The following EYS variants were observed in gnomAD, a reference collection of about 807,000 sequenced individuals.
The protein encoded by EYS is protein eyes shut homolog.
A neutral mutation model predicts 282.1 loss-of-function variants in EYS; 250 were observed. That is an observed-to-expected ratio of 0.89 (90% CI 0.80 to 0.98). The LOEUF (loss-of-function observed/expected upper bound fraction) is 0.98. Among genes scored for constraint, EYS ranks in the 50% least tolerant of loss-of-function variants. The pLI, the probability that EYS is intolerant of heterozygous loss-of-function variation, is 0.00. For missense variants in EYS, 4,016 were observed against 3,709.0 expected, an observed-to-expected ratio of 1.08 and a Z score of -2.15; for synonymous variants, 1,355 against 1,282.9, an observed-to-expected ratio of 1.06 and a Z score of -1.20.
At chr6:65,239,698 T>A (rs1238191843) in intron 12 of EYS, among the ~76,000 whole-genome samples, 1 of 151,984 alleles carries the variant, frequency 6.6e-6, no homozygotes, top group African/African-American at 2.4e-5. Context: ...TTAAAGAAAA[T>A]GGTTTTTGAA....
chr6:64,115,779 T>C (rs1773362220), intron 31 of EYS, among the ~76,000 whole-genome samples: 1 of 152,044 alleles, frequency 6.6e-6, no homozygotes, highest in South Asian at 2.1e-4. Flanking sequence ...TAAATAAAAA[T>C]CAAAGAAACA....
intron 37 of EYS, among the ~76,000 whole-genome samples, chr6:63,805,646 A>G (rs1476866608): frequency 6.6e-6 from 1 of 152,152 alleles, no homozygotes; most frequent in Admixed American, 6.5e-5. Context: ...CTCATCTTGA[A>G]TTGTAATCCC....
At chr6:65,683,893 C>G (rs999951037) in intron 1 of EYS, among the ~76,000 whole-genome samples, 5 of 152,004 alleles carry the variant, frequency 3.3e-5, no homozygotes, top group African/African-American at 1.2e-4. Flanking sequence ...TTAAATAGAA[C>G]CAGTGCAAAT....
chr6:65,703,699 A>G (rs886619152), intron 1 of EYS, among the ~76,000 whole-genome samples: 4 of 152,088 alleles, frequency 2.6e-5, no homozygotes, highest in African/African-American at 9.6e-5. Context: ...AATGAAAGAA[A>G]GCTCCTAGAA....
chr6:64,142,608 C>T (rs542778484), intron 31 of EYS, among the ~76,000 whole-genome samples: 1 of 152,170 alleles, frequency 6.6e-6, no homozygotes, highest in Non-Finnish European at 1.5e-5. Context: ...TTATAGAAGG[C>T]CATCAGGGAT....
intron 12 of EYS, among the ~76,000 whole-genome samples, chr6:65,252,665 A>C (rs1239444836): frequency 6.6e-6 from 1 of 152,040 alleles, no homozygotes; most frequent in African/African-American, 2.4e-5. Flanking sequence ...TTTATCTGAC[A>C]AACACTTTAA....
chr6:65,134,140 A>T (rs992082413), intron 12 of EYS, among the ~76,000 whole-genome samples: 2 of 152,124 alleles, frequency 1.3e-5, no homozygotes, highest in Non-Finnish European at 2.9e-5. Context: ...TGTGGAGAAA[A>T]GGAAATACTT....
At chr6:64,535,804 T>C (rs934969608) in intron 26 of EYS, among the ~76,000 whole-genome samples, 3 of 152,116 alleles carry the variant, frequency 2.0e-5, no homozygotes, top group Admixed American at 6.6e-5. Flanking sequence ...TAAAATGATT[T>C]TTCTGTAGCT....
intron 41 of EYS, among the ~76,000 whole-genome samples, chr6:63,758,410 T>A (rs866412566): frequency 6.6e-6 from 1 of 152,270 alleles, no homozygotes. Context: ...AATATCTATG[T>A]GAACATGGCC....
chr6:65,125,706 T>C lies in EYS; in HGVS notation c.2024-67979A>G, dbSNP rs185361114. On this transcript the variant is annotated intron_variant, in intron 12 of 42. Coordinates refer to ENST00000503581, the MANE Select transcript of EYS (RefSeq NM_001142800.2). ...TATAAAAAGTGGATAAGAAAGTCTG[T>C]GTGCTTCCTACTTTGGCACAGGTCA... 3.9e-5 allele frequency among the ~76,000 whole-genome samples: 6 copies of C among 152,244 alleles called. No homozygotes were observed. In the South Asian group the frequency reaches 8.3e-4, roughly 21 times the overall value.
At chr6:64,482,860 G>A (rs1349208923) in intron 26 of EYS, among the ~76,000 whole-genome samples, 2 of 151,566 alleles carry the variant, frequency 1.3e-5, no homozygotes, top group African/African-American at 4.8e-5. Flanking sequence ...CTTCCTCAAT[G>A]AACTTCTTGC....
At chr6:65,373,064 C>A (rs550156339) in intron 8 of EYS, among the ~76,000 whole-genome samples, 2 of 152,070 alleles carry the variant, frequency 1.3e-5, no homozygotes, top group Non-Finnish European at 2.9e-5. Flanking sequence ...TTTCTTATAG[C>A]TTATTTAATA....
At chr6:65,562,441 A>G (rs1209492224) in intron 2 of EYS, among the ~76,000 whole-genome samples, 1 of 152,014 alleles carries the variant, frequency 6.6e-6, no homozygotes, top group Non-Finnish European at 1.5e-5. Context: ...TAACATAAGG[A>G]CAGAATGGAA....
intron 37 of EYS, 81 bp downstream of exon 37, chr6:63,806,109 G>T: frequency 8.1e-7 from 1 of 1,228,412 alleles, no homozygotes; most frequent in Non-Finnish European, 1.1e-6. Flanking sequence ...TTTTACCACA[G>T]CCAATTAGAG....
At chr6:64,133,342 A>T (rs1368908703) in intron 31 of EYS, among the ~76,000 whole-genome samples, 1 of 151,884 alleles carries the variant, frequency 6.6e-6, no homozygotes, top group African/African-American at 2.4e-5. Flanking sequence ...GCTTACTAAC[A>T]TTTTCAGCTT....
intron 12 of EYS, among the ~76,000 whole-genome samples, chr6:65,061,035 A>C (rs940066257): frequency 6.6e-6 from 1 of 151,802 alleles, no homozygotes; most frequent in African/African-American, 2.4e-5. Context: ...AAAATAATAA[A>C]ATTCCAAATG....
intron 37 of EYS, among the ~76,000 whole-genome samples, chr6:63,804,129 G>A (rs990726945): frequency 9.2e-5 from 14 of 152,246 alleles, no homozygotes; most frequent in African/African-American, 3.4e-4. Context: ...CGATTCTCAT[G>A]CCTCAGCCTC....
intron 14 of EYS, among the ~76,000 whole-genome samples, chr6:64,948,606 A>G: frequency 6.8e-6 from 1 of 147,042 alleles, no homozygotes; most frequent in East Asian, 2.0e-4. Flanking sequence ...AATATTAAAT[A>G]ATATTAAATA....
intron 24 of EYS, among the ~76,000 whole-genome samples, chr6:64,613,293 C>A (rs985330874): frequency 6.6e-5 from 10 of 152,104 alleles, no homozygotes; most frequent in African/African-American, 2.4e-4. Flanking sequence ...ATTAGAACAA[C>A]AAAATCCTTT....
Sources: allele counts gnomAD v4.1 joint callset (sites outside exome capture counted in the v4.1 genomes callset), GRCh38; gene constraint gnomAD v4.1.1; transcripts MANE v1.5; gene names NCBI Gene and HGNC (gene_info 2026-07-23, HGNC 2026-07-21).